ROBO2: variants seen among roughly 807,000 people sequenced by gnomAD.
ROBO2 encodes roundabout guidance receptor 2, also known as roundabout homolog 2.
Under a neutral mutation model 160.8 loss-of-function variants are expected in ROBO2, and 53 were observed. That is an observed-to-expected ratio of 0.33 (90% CI 0.26 to 0.41). The LOEUF (loss-of-function observed/expected upper bound fraction) is 0.41, where lower values mean the gene tolerates loss of function less well. ROBO2 is among the 10% of genes least tolerant of loss of function. The pLI is 1.00. For missense variants in ROBO2, 1,577 were observed against 1,722.4 expected, an observed-to-expected ratio of 0.92 and a Z score of 1.49; for synonymous variants, 664 against 611.7, an observed-to-expected ratio of 1.09 and a Z score of -1.26.
rs551053837 is a variant in ROBO2, at chr3:76,495,667, C to T, written c.109+558065C>T. 1.4e-4 allele frequency among the ~76,000 whole-genome samples: 21 copies of T among 151,984 alleles called. 1 individual carries two copies. In the South Asian group the frequency reaches 4.4e-3, roughly 32 times the overall value. On this transcript the variant is annotated intron_variant, in intron 2 of 26. Transcript: ENST00000487694. ...AAGCATATGGAAGAAACATGGACAA[C>T]AAGGTATGCTATGAAAGCCCTTGAA...
intron 2 of ROBO2, among the ~76,000 whole-genome samples, chr3:76,799,084 G>A (rs1465634709): frequency 6.6e-6 from 1 of 151,864 alleles, no homozygotes; most frequent in African/African-American, 2.4e-5. Flanking sequence ...CATGGTGGCA[G>A]GCGCCTGCAG....
chr3:77,357,385 G>C (rs1278074525), intron 2 of ROBO2, among the ~76,000 whole-genome samples: 3 of 152,010 alleles, frequency 2.0e-5, no homozygotes, highest in African/African-American at 7.2e-5. Context: ...CTCTCCCTCT[G>C]TCCTGAGTAT....
intron 23 of ROBO2, among the ~76,000 whole-genome samples, chr3:77,625,418 G>T (rs1349528128): frequency 1.2e-4 from 18 of 149,302 alleles, no homozygotes; most frequent in African/African-American, 4.0e-4. Context: ...TCACTCTATC[G>T]CCAGGCTGGA....
At chr3:76,804,934 G>C (rs957479638) in intron 2 of ROBO2, among the ~76,000 whole-genome samples, 3 of 152,070 alleles carry the variant, frequency 2.0e-5, no homozygotes, top group Non-Finnish European at 4.4e-5. Context: ...GAAAAATTTT[G>C]AAGCATTCTA....
At chr3:76,809,335 G>C (rs568235987) in intron 2 of ROBO2, among the ~76,000 whole-genome samples, 12 of 152,034 alleles carry the variant, frequency 7.9e-5, no homozygotes, top group Non-Finnish European at 1.6e-4. Context: ...CCAGTGAGTG[G>C]AGTCTCTGTT....
At chr3:75,954,483 G>A (rs531330037) in intron 2 of ROBO2, among the ~76,000 whole-genome samples, 2 of 151,934 alleles carry the variant, frequency 1.3e-5, no homozygotes, top group African/African-American at 2.4e-5. Flanking sequence ...GGAAAGTCTT[G>A]TATTAGTTTC....
At chr3:77,015,170 T>C (rs955701695) in intron 2 of ROBO2, among the ~76,000 whole-genome samples, 2 of 152,168 alleles carry the variant, frequency 1.3e-5, no homozygotes, top group African/African-American at 4.8e-5. Flanking sequence ...GTGTTTAAAA[T>C]CAATTAACCA....
chr3:76,559,646 C>T (rs2084035630), intron 2 of ROBO2, among the ~76,000 whole-genome samples: 1 of 152,040 alleles, frequency 6.6e-6, no homozygotes, highest in South Asian at 2.1e-4. Context: ...TAAGTAGATA[C>T]TATAGTAATT....
At chr3:77,138,320 A>G (rs1174108298) in intron 2 of ROBO2, among the ~76,000 whole-genome samples, 1 of 152,212 alleles carries the variant, frequency 6.6e-6, no homozygotes, top group African/African-American at 2.4e-5. Context: ...TGAGAGTACA[A>G]TGTAGCATAA....
rs1268670403 is a variant in ROBO2 at position 77,164,533 on chromosome 3, G to A, written c.388+66193G>A. Among the ~76,000 whole-genome samples, 73 of 145,626 alleles carry A rather than the reference G, an allele frequency of 5.0e-4. 1 individual carries two copies. The highest frequency in any genetic ancestry group is 3.7e-3 in the Middle Eastern group (1 of 268). ...GCCAGCCGTGCTGTCCGGGAGGGAG[G>A]TGGGGGGGTCAGACCCCCGCCCGGC... On this transcript the variant is annotated intron_variant, in intron 2 of 25. Coordinates refer to ENST00000461745, the Ensembl canonical transcript of ROBO2.
intron 2 of ROBO2, among the ~76,000 whole-genome samples, chr3:76,798,264 G>GA (rs1436030128): frequency 9.5e-6 from 1 of 105,352 alleles, no homozygotes; most frequent in South Asian, 3.2e-4. Flanking sequence ...AAGAAGGAAA[G>GA]AAAGAAAGAA....
At chr3:77,425,948 C>T (rs1187949771) in intron 2 of ROBO2, among the ~76,000 whole-genome samples, 1 of 152,046 alleles carries the variant, frequency 6.6e-6, no homozygotes. Context: ...CAGGAATGAG[C>T]CACAGCGCCC....
rs78843623 is a variant in ROBO2 at position 77,375,724 on chromosome 3, A to G, written c.389-101690A>G. Reference sequence around the variant, plus strand: ...ACTGTTTTCTTCCTTTCATTCTAGGACAAACATTGATGTGTGAGATATCCC... The same window carrying G: ...ACTGTTTTCTTCCTTTCATTCTAGGGCAAACATTGATGTGTGAGATATCCC... On this transcript the variant is annotated intron_variant, in intron 2 of 25. Coordinates refer to ENST00000461745, the Ensembl canonical transcript of ROBO2. Among the ~76,000 whole-genome samples, 1,095 of 152,320 alleles carry G rather than the reference A, an allele frequency of 7.2e-3. 17 individuals carry two copies. The highest frequency in any genetic ancestry group is 0.025 in the African/African-American group (1,042 of 41,574).
chr3:76,719,178 A>G (rs908645985), intron 2 of ROBO2, among the ~76,000 whole-genome samples: 1 of 152,232 alleles, frequency 6.6e-6, no homozygotes, highest in African/African-American at 2.4e-5. Flanking sequence ...ATGTGTACAT[A>G]CAACAGAAAC....
intron 2 of ROBO2, among the ~76,000 whole-genome samples, chr3:76,680,358 T>TAAAAA (rs3066796): frequency 3.5e-5 from 5 of 143,612 alleles, no homozygotes; most frequent in African/African-American, 1.3e-4. Flanking sequence ...ATGGATATAT[T>TAAAAA]AAAAAAAAAA....
intron 2 of ROBO2, among the ~76,000 whole-genome samples, chr3:76,876,786 A>G (rs888827593): frequency 6.6e-6 from 1 of 152,224 alleles, no homozygotes; most frequent in Non-Finnish European, 1.5e-5. Flanking sequence ...GTTTAACAAA[A>G]TAAGACCCTA....
At chr3:77,441,402 T>A (rs1194801345) in intron 2 of ROBO2, among the ~76,000 whole-genome samples, 2 of 151,884 alleles carry the variant, frequency 1.3e-5, no homozygotes, top group African/African-American at 4.8e-5. Context: ...CATATACCTA[T>A]GCTGTATATT....
chr3:77,625,895 A>G (rs2095012297), intron 23 of ROBO2, among the ~76,000 whole-genome samples: 1 of 152,212 alleles, frequency 6.6e-6, no homozygotes, highest in Non-Finnish European at 1.5e-5. Flanking sequence ...GTTTTAATGT[A>G]TATTAATTCA....
intron 6 of ROBO2, among the ~76,000 whole-genome samples, chr3:77,541,967 T>C (rs2092482932): frequency 6.6e-6 from 1 of 152,068 alleles, no homozygotes; most frequent in South Asian, 2.1e-4. Context: ...TAATACTTAA[T>C]GGGAGTCATT....
Sources: gnomAD v4.1 joint callset for allele counts (sites outside exome capture counted in the v4.1 genomes callset) on GRCh38, gnomAD v4.1.1 for gene constraint, MANE v1.5 for transcripts, NCBI Gene and HGNC (gene_info 2026-07-23, HGNC 2026-07-21) for gene names.